ATP2C1: variants seen among roughly 807,000 people sequenced by gnomAD.
The protein encoded by ATP2C1 is ATPase secretory pathway Ca2+ transporting 1.
ATP2C1 carries 31 observed loss-of-function variants against 120.5 expected under a neutral mutation model. The observed-to-expected ratio is 0.26, with a 90% CI of 0.19 to 0.35. The LOEUF is 0.35. Ranked by LOEUF, ATP2C1 falls within the 10% of genes least tolerant of loss-of-function variation. The pLI is 1.00. For synonymous variants in ATP2C1, 351 were observed against 358.7 expected (o/e 0.98, Z 0.24); for missense variants, 731 against 1,107.5 (o/e 0.66, Z 4.83).
chr3:130,984,006 A>T (rs1046802236), intron 20 of ATP2C1, among the ~76,000 whole-genome samples: 1 of 152,308 alleles, frequency 6.6e-6, no homozygotes, highest in Middle Eastern at 3.4e-3. Context: ...TAAGTTTTCA[A>T]TTCATTTGGG....
intron 1 of ATP2C1, among the ~76,000 whole-genome samples, chr3:130,854,935 A>C (rs2067789120): frequency 6.6e-6 from 1 of 152,216 alleles, no homozygotes; most frequent in African/African-American, 2.4e-5. Context: ...GAATGTGTCC[A>C]AAGAGAATTC....
intron 2 of ATP2C1, among the ~76,000 whole-genome samples, chr3:130,929,498 C>A (rs2059364472): frequency 6.6e-6 from 1 of 152,094 alleles, no homozygotes; most frequent in Non-Finnish European, 1.5e-5. Flanking sequence ...AAAGATCTTA[C>A]CTGACAGCTT....
intron 2 of ATP2C1, chr3:130,918,561 G>A (rs2108221103): frequency 1.4e-6 from 1 of 739,812 alleles, no homozygotes. Context: ...TCCATGTTAA[G>A]TATGCCAGCG....
At chr3:130,900,166 G>A (rs1391714897) in intron 2 of ATP2C1, among the ~76,000 whole-genome samples, 1 of 151,806 alleles carries the variant, frequency 6.6e-6, no homozygotes, top group East Asian at 1.9e-4. Flanking sequence ...GGACTAATGC[G>A]ATCTCCCTGC....
At chr3:130,955,861 G>A (rs1053818989) in intron 10 of ATP2C1, 30 of 410,152 alleles carry the variant, frequency 7.3e-5, no homozygotes, top group Admixed American at 2.9e-4. Context: ...TAGAGAGAAC[G>A]GACCTTTTCA....
In ATP2C1 at chr3:130,872,670, C is replaced by T. The variant is rs137934437; in HGVS notation, c.108+21742C>T. Among the ~76,000 whole-genome samples the T allele has an allele frequency of 8.4e-3, 1,276 of 152,018 alleles. 21 individuals are homozygous for T. The highest frequency in any genetic ancestry group is 0.027 in the Middle Eastern group (8 of 294). On this transcript the variant is annotated intron_variant, in intron 1 of 26. Transcript: ENST00000504381. ...CACGAAATCGGCTCACTGCAACCTC[C>T]GCCTCCTGGGTTCAAGCGATTCTCC...
At position 130,967,199 on chromosome 3, in the gene ATP2C1, G is replaced by A; in HGVS notation, c.1177G>A (p.Val393Ile). The change falls in exon 15 of 28, where the codon GTT (valine) becomes ATT (isoleucine). Residue 393 changes from valine to isoleucine, a missense_variant. Coordinates refer to ENST00000510168, the MANE Select transcript of ATP2C1 (RefSeq NM_001378687.1). ...GGAAGTGATTGTTGATGGTGATGTT[G>A]TTCATGGATTCTATAACCCAGCTGT... ...FGEVIVDGDV[V>I]HGFYNPAVSR... is the part of the protein sequence containing the mutation. 1 of 1,613,770 alleles carries A rather than the reference G, an allele frequency of 6.2e-7. No homozygotes were observed. Among genetic ancestry groups the A allele is most frequent in the Middle Eastern group, 1.7e-4 (1 of 6,060 alleles).
In ATP2C1 at chr3:130,894,810, G is replaced by A. The variant is rs2069449374; in HGVS notation, c.6+35G>A. 3 of 1,589,494 alleles carry A rather than the reference G, an allele frequency of 1.9e-6. No homozygotes were observed. The highest frequency in any genetic ancestry group is 2.6e-6 in the Non-Finnish European group (3 of 1,157,532). On this transcript the variant is annotated intron_variant, in intron 2 of 27. Coordinates refer to ENST00000510168, the MANE Select transcript of ATP2C1 (RefSeq NM_001378687.1). This position sits in a 1 kb window ranked among gnomAD's most constrained non-coding sequence, Gnocchi z 4.5. Reference sequence around the variant, plus strand: ...CCTGGCCGACCGGTTGCAACGCGGAGTTGAGGGTGTGGTGGTTTGCTTTTA... The same window carrying A: ...CCTGGCCGACCGGTTGCAACGCGGAATTGAGGGTGTGGTGGTTTGCTTTTA...
intron 7 of ATP2C1, among the ~76,000 whole-genome samples, chr3:130,940,933 T>TTTTTTTA (rs1384737363): frequency 1.4e-5 from 2 of 144,176 alleles, no homozygotes; most frequent in Non-Finnish European, 3.0e-5. Context: ...TTTTTTTTTT[T>TTTTTTTA]AGATGGAGTC....
In ATP2C1 at chr3:130,979,385, T is replaced by G; in HGVS notation, c.1707T>G (p.Ile569Met). ...LIASGVSIKM[I>M]TGDSQETAVA... ...CCTCAGGAGTATCAATAAAAATGATTACTGGAGATTCACAGGAGACTGCAG... is the reference window on the plus strand; with the variant it reads ...CCTCAGGAGTATCAATAAAAATGATGACTGGAGATTCACAGGAGACTGCAG... The change falls in exon 19 of 28, where the codon ATT (isoleucine) becomes ATG (methionine). Residue 569 changes from isoleucine (I) to methionine (M), a missense_variant. This residue lies in a region of ATP2C1 where 571 missense variants were observed against 845.9 expected (regional missense o/e 0.67). Transcript: ENST00000510168. 2 of 1,613,646 alleles carry G rather than the reference T, an allele frequency of 1.2e-6. No homozygotes were observed. Among genetic ancestry groups the G allele is most frequent in the Non-Finnish European group, 1.7e-6 (2 of 1,179,690 alleles).
At chr3:130,985,436 C>G (rs1228775367) in intron 20 of ATP2C1, among the ~76,000 whole-genome samples, 1 of 152,034 alleles carries the variant, frequency 6.6e-6, no homozygotes, top group Non-Finnish European at 1.5e-5. Flanking sequence ...ATTTCGAGAC[C>G]TGCCTGGCCA....
intron 11 of ATP2C1, among the ~76,000 whole-genome samples, chr3:130,957,019 A>G (rs1173897890): frequency 6.6e-6 from 1 of 152,176 alleles, no homozygotes; most frequent in Non-Finnish European, 1.5e-5. Context: ...GTAAGAGGAC[A>G]ATATATGTAA....
chr3:130,985,786 C>T (rs886565016), intron 20 of ATP2C1, among the ~76,000 whole-genome samples: 9 of 152,152 alleles, frequency 5.9e-5, no homozygotes, highest in Non-Finnish European at 1.3e-4. Context: ...GGCTGACTTT[C>T]ACGATCATTA....
intron 2 of ATP2C1, among the ~76,000 whole-genome samples, chr3:130,921,968 C>A (rs750442181): frequency 3.3e-5 from 5 of 152,236 alleles, no homozygotes; most frequent in South Asian, 2.1e-4. Flanking sequence ...TAGGGTGATA[C>A]TGGCTTCATA....
intron 1 of ATP2C1, chr3:130,868,429 T>G: frequency 9.4e-6 from 1 of 106,546 alleles, no homozygotes; most frequent in African/African-American, 3.5e-5. Context: ...AGGTGGGGGG[T>G]CAGCCCCCCG....
intron 1 of ATP2C1, among the ~76,000 whole-genome samples, chr3:130,883,813 T>A (rs188850659): frequency 6.6e-6 from 1 of 152,164 alleles, no homozygotes. Flanking sequence ...TTAGTAGTTA[T>A]AGCTATAAAC....
At chr3:130,990,547 G>C (rs1025577921) in intron 20 of ATP2C1, among the ~76,000 whole-genome samples, 1 of 152,098 alleles carries the variant, frequency 6.6e-6, no homozygotes, top group Non-Finnish European at 1.5e-5. Context: ...TGAGGGACCC[G>C]GTAGATAATA....
intron 14 of ATP2C1, 57 bp from the exon 15 acceptor site, chr3:130,967,088 T>C (rs934090916): frequency 1.5e-6 from 2 of 1,330,904 alleles, no homozygotes; most frequent in Non-Finnish European, 2.2e-6. Context: ...TTATAGGTCT[T>C]GTCACCACCA....
At chr3:130,918,349 TC>T in intron 2 of ATP2C1, 1 of 1,552,568 alleles carries the variant, frequency 6.4e-7, no homozygotes, top group Non-Finnish European at 8.9e-7. Context: ...TCAAGACTCT[TC>T]CCACACTTTG....
Sources: allele counts gnomAD v4.1 joint callset (sites outside exome capture counted in the v4.1 genomes callset), GRCh38; gene constraint gnomAD v4.1.1; regional missense constraint gnomAD v4.1.1; non-coding constraint Gnocchi (gnomAD v3.1); transcripts MANE v1.5; gene names NCBI Gene and HGNC (gene_info 2026-07-23, HGNC 2026-07-21).